Variants in CACNA2D1 observed in about 807,000 individuals in gnomAD.
CACNA2D1 encodes the protein calcium voltage-gated channel auxiliary subunit alpha2delta 1.
In CACNA2D1, 53 loss-of-function variants were observed where a neutral mutation model predicts 171.5. That is an observed-to-expected ratio of 0.31 (90% CI 0.25 to 0.39). The LOEUF is 0.39. Ranked by LOEUF, CACNA2D1 falls within the 10% of genes least tolerant of loss-of-function variation. CACNA2D1 has a pLI of 1.00. For synonymous variants in CACNA2D1, 442 were observed against 443.1 expected, an observed-to-expected ratio of 1.00 and a Z score of 0.03; for missense variants, 903 against 1,299.8, an observed-to-expected ratio of 0.69 and a Z score of 4.69.
At chr7:82,266,442 A>C (rs898469679) in intron 3 of CACNA2D1, among the ~76,000 whole-genome samples, 2 of 152,170 alleles carry the variant, frequency 1.3e-5, no homozygotes, top group South Asian at 2.1e-4. Context: ...AAATCAACTC[A>C]TAAGAAGTAT....
In CACNA2D1 at chr7:82,107,926, G is replaced by A. The variant is rs563422987; in HGVS notation, c.526+9118C>T. On this transcript the variant is annotated intron_variant, in intron 6 of 38. Transcript: ENST00000356860. ...ACATTTTTATTGAGATTGTTTTTAT[G>A]TCTAAAGGTAATCTAGATCATTTTG... Among the ~76,000 whole-genome samples, 4 of 152,212 alleles carry A rather than the reference G, an allele frequency of 2.6e-5. No homozygotes were observed. In the East Asian group the frequency reaches 7.7e-4, roughly 29 times the overall value.
chr7:82,073,272 G>C (rs1808539902), intron 7 of CACNA2D1, among the ~76,000 whole-genome samples: 1 of 152,022 alleles, frequency 6.6e-6, no homozygotes, highest in African/African-American at 2.4e-5. Flanking sequence ...TTTTTATTTA[G>C]AAACTGATCC....
intron 1 of CACNA2D1, among the ~76,000 whole-genome samples, chr7:82,426,004 C>G (rs542634850): frequency 1.3e-5 from 2 of 151,400 alleles, no homozygotes; most frequent in South Asian, 4.2e-4. Flanking sequence ...GTGGCACATG[C>G]CTGTAATCCC....
intron 3 of CACNA2D1, among the ~76,000 whole-genome samples, chr7:82,278,845 G>A (rs977278231): frequency 2.6e-5 from 4 of 152,156 alleles, no homozygotes; most frequent in Admixed American, 2.6e-4. Context: ...AGAGGGGTAA[G>A]ACTTAAAATG....
chr7:82,361,855 G>A (rs1821118771), intron 1 of CACNA2D1, among the ~76,000 whole-genome samples: 1 of 151,926 alleles, frequency 6.6e-6, no homozygotes, highest in African/African-American at 2.4e-5. Context: ...TCTCTTATGG[G>A]GTAGCAAATG....
At chr7:82,293,652 A>G (rs545360029) in intron 3 of CACNA2D1, among the ~76,000 whole-genome samples, 1 of 152,350 alleles carries the variant, frequency 6.6e-6, no homozygotes, top group South Asian at 2.1e-4. Flanking sequence ...TTCCTGTTTT[A>G]GAATGATGCC....
chr7:82,363,365 T>C (rs113751783), intron 1 of CACNA2D1, among the ~76,000 whole-genome samples: 5,681 of 143,754 alleles, frequency 0.04, 158 homozygotes, highest in Middle Eastern at 0.084. Flanking sequence ...CCCAGGTTCA[T>C]GCTATTCTCC....
intron 21 of CACNA2D1, among the ~76,000 whole-genome samples, chr7:81,988,119 C>T (rs1373341982): frequency 6.6e-6 from 1 of 152,088 alleles, no homozygotes; most frequent in African/African-American, 2.4e-5. Context: ...CAAAAGAACC[C>T]AGTTTTTCTC....
chr7:82,139,920 T>C (rs1792144694), intron 4 of CACNA2D1, among the ~76,000 whole-genome samples: 4 of 150,626 alleles, frequency 2.7e-5, no homozygotes, highest in Admixed American at 2.0e-4. Flanking sequence ...TAGCTGGAAT[T>C]ACAGGCATTT....
chr7:82,392,017 G>A (rs1825177721), intron 1 of CACNA2D1, among the ~76,000 whole-genome samples: 1 of 152,150 alleles, frequency 6.6e-6, no homozygotes, highest in Admixed American at 6.5e-5. Flanking sequence ...GGTCCCTGGT[G>A]AAACCAGACC....
At chr7:82,065,589 A>G (rs1387020135) in intron 8 of CACNA2D1, among the ~76,000 whole-genome samples, 1 of 152,222 alleles carries the variant, frequency 6.6e-6, no homozygotes, top group East Asian at 1.9e-4. Context: ...GATATTTAAA[A>G]GGACATCTAA....
Position 82,277,509 on chromosome 7 carries a change from T to A in CACNA2D1, c.294+57626A>T, listed in dbSNP as rs533228725. Reference sequence around the variant, plus strand: ...GCCACTGCGCCCAACCCCCTTTTTTTATATTATACAACAATGGCTATAGAC... The same window carrying A: ...GCCACTGCGCCCAACCCCCTTTTTTAATATTATACAACAATGGCTATAGAC... On this transcript the variant is annotated intron_variant, in intron 3 of 38. Transcript: ENST00000356860. 1.6e-4 allele frequency among the ~76,000 whole-genome samples: 25 copies of A among 152,218 alleles called. No individual in the cohort carries two copies. In the South Asian group the frequency reaches 3.3e-3, roughly 20 times the overall value.
rs535433383 is a variant in CACNA2D1, at chr7:82,425,676, G to A, written c.95+17689C>T. ...TCACCCGCATAGCTGGGACTAATAG[G>A]TGCATGCCAGCACACCCAGACAATT... On this transcript the variant is annotated intron_variant, in intron 1 of 38. Transcript: ENST00000356860. Among the ~76,000 whole-genome samples the A allele has an allele frequency of 2.9e-3, 433 of 151,110 alleles. 3 individuals are homozygous for A. The highest frequency in any genetic ancestry group is 9.9e-3 in the African/African-American group (408 of 41,246).
Position 82,066,481 on chromosome 7 carries a change from G to T in CACNA2D1, c.702C>A (p.Asp234Glu), listed in dbSNP as rs1183114112. 11 of 1,606,966 alleles carry T rather than the reference G, an allele frequency of 6.8e-6. No individual in the cohort carries two copies. The highest frequency in any genetic ancestry group is 9.3e-6 in the Non-Finnish European group (11 of 1,177,964). ...VDNSRTPNKI[D>E]LYDVRRRPWY... ...ATGGTCTTCTGCGTACATCATAAAG[G>T]TCAATCTTATTTGGAGTTCTACTAT... The change falls in exon 8 of 39, where the codon GAC (aspartate) becomes GAA (glutamate). Residue 234 changes from aspartate to glutamate, a missense_variant. Transcript: ENST00000356860.
intron 7 of CACNA2D1, among the ~76,000 whole-genome samples, chr7:82,078,645 CTTA>C (rs1162385976): frequency 6.6e-6 from 1 of 152,158 alleles, no homozygotes; most frequent in African/African-American, 2.4e-5. Context: ...AGTCATTCTA[CTTA>C]TCTTGCAAAA....
At chr7:81,953,341 G>A (rs532560939) in intron 38 of CACNA2D1, among the ~76,000 whole-genome samples, 7 of 151,866 alleles carry the variant, frequency 4.6e-5, no homozygotes, top group Admixed American at 6.6e-5. Flanking sequence ...TCTTTATTGA[G>A]GTCTACAAAG....
intron 10 of CACNA2D1, among the ~76,000 whole-genome samples, chr7:82,047,718 C>T (rs1027767902): frequency 1.3e-5 from 2 of 152,000 alleles, no homozygotes; most frequent in African/African-American, 4.8e-5. Flanking sequence ...AAGACTCTCT[C>T]TATACTCAAA....
In CACNA2D1 at chr7:82,410,309, G is replaced by A. The variant is rs1479905172; in HGVS notation, c.95+33056C>T. On this transcript the variant is annotated intron_variant, in intron 1 of 38. Coordinates refer to ENST00000356860, the MANE Select transcript of CACNA2D1 (RefSeq NM_000722.4). ...CTTTTACAATATCTGCTTAGGTTGT[G>A]TAGGGGAGGCCCTAAAATATACCTT... Among the ~76,000 whole-genome samples, 3 of 152,200 alleles carry A rather than the reference G, an allele frequency of 2.0e-5. No homozygotes were observed. In the East Asian group the frequency reaches 5.8e-4, roughly 29 times the overall value.
intron 2 of CACNA2D1, among the ~76,000 whole-genome samples, chr7:82,338,345 G>GT (rs936989383): frequency 5.9e-5 from 9 of 151,544 alleles, no homozygotes; most frequent in African/African-American, 1.2e-4. Context: ...AAAAAAAAAA[G>GT]TTTTTTAGAG....
Sources: allele counts gnomAD v4.1 joint callset (sites outside exome capture counted in the v4.1 genomes callset), GRCh38; gene constraint gnomAD v4.1.1; transcripts MANE v1.5; gene names NCBI Gene and HGNC (gene_info 2026-07-23, HGNC 2026-07-21).